Variants in THBS1 observed in about 807,000 individuals in gnomAD.
THBS1 encodes thrombospondin-1.
Under a neutral mutation model 126.1 loss-of-function variants are expected in THBS1, and 29 were observed. The observed-to-expected ratio is 0.23, with a 90% CI of 0.17 to 0.31. The LOEUF (loss-of-function observed/expected upper bound fraction) is 0.31, where lower values mean the gene tolerates loss of function less well. Among genes scored for constraint, THBS1 ranks in the 10% least tolerant of loss-of-function variants. THBS1 has a pLI of 1.00. For missense variants in THBS1, 1,198 were observed against 1,545.2 expected, an observed-to-expected ratio of 0.78 and a Z score of 3.77; for synonymous variants, 496 against 577.8, an observed-to-expected ratio of 0.86 and a Z score of 2.03.
intron 14 of THBS1, 152 bp downstream of exon 14, chr15:39,590,775 TAAGG>T: frequency 1.4e-6 from 1 of 696,618 alleles, no homozygotes; most frequent in Non-Finnish European, 2.4e-6. Flanking sequence ...TCCAGTAGTT[TAAGG>T]ATGTAGATGT....
At chr15:39,581,752 C>T in intron 1 of THBS1, 77 bp from the exon 2 acceptor site, 1 of 889,838 alleles carries the variant, frequency 1.1e-6, no homozygotes, top group Admixed American at 2.2e-5. Context: ...TGTCCCCATG[C>T]CCAGCCCCGT....
chr15:39,581,706 A>G, intron 1 of THBS1, 123 bp from the exon 2 acceptor site: 1 of 554,108 alleles, frequency 1.8e-6, no homozygotes, highest in South Asian at 2.5e-5. Flanking sequence ...CCTTCATTTC[A>G]GCAAACGCGG....
Position 39,593,830 on chromosome 15 carries a change from A to G in THBS1, c.3267+162A>G. ...GCTTTGTAAAAACATAATAGTGTTG[A>G]AAAGGGAGCTTGACCAAGAATTGCC... On this transcript the variant is annotated intron_variant, in intron 19 of 21. Coordinates refer to ENST00000260356, the MANE Select transcript of THBS1 (RefSeq NM_003246.4). The surrounding 1 kb of genome is among the most constrained non-coding windows in gnomAD (Gnocchi z 5.9). The G allele has an allele frequency of 8.4e-7, 1 of 1,183,944 alleles. No homozygotes were observed. Among genetic ancestry groups the G allele is most frequent in the Non-Finnish European group, 1.2e-6 (1 of 857,976 alleles). The allele number at this position is 1,183,944 out of a possible 1,614,324, so 73.3% of individuals were successfully genotyped here.
rs760003261 is a variant in THBS1, at chr15:39,582,158, AGAAAGCTCACTTTGT to A, written c.68-33_68-19del. On this transcript the variant is annotated intron_variant, in intron 2 of 21. Transcript: ENST00000260356. ...AGCCCCCTACTGCTGGTCCCAGCCT[AGAAAGCTCACTTTGT>A]GTTCTCTCCTGTCTAACAGAGTCTG... is the stretch of plus-strand genomic sequence containing the variant. 1.3e-6 allele frequency: 2 copies of A among 1,552,770 alleles called. No homozygotes were observed. The highest frequency in any genetic ancestry group is 2.7e-5 in the African/African-American group (2 of 73,220).
At position 39,589,766 on chromosome 15, in the gene THBS1, T is replaced by C. The variant is rs752759592; in HGVS notation, c.1927-39T>C. The C allele has an allele frequency of 6.5e-7, 1 of 1,538,364 alleles. No individual in the cohort carries two copies. Among genetic ancestry groups the C allele is most frequent in the South Asian group, 1.3e-5 (1 of 77,894 alleles). ...TTGTTTCCATGATATCTGAGGATTC[T>C]CAAAAGCTCTGTGTAACAGCAGCAT... On this transcript the variant is annotated intron_variant, in intron 12 of 21. Transcript: ENST00000260356. The surrounding 1 kb of genome is among the most constrained non-coding windows in gnomAD (Gnocchi z 4.7).
rs899785623 is a variant in THBS1 at position 39,592,168 on chromosome 15, G to A, written c.2533-400G>A. On this transcript the variant is annotated intron_variant, in intron 16 of 21. Coordinates refer to ENST00000260356, the MANE Select transcript of THBS1 (RefSeq NM_003246.4). This position sits in a 1 kb window ranked among gnomAD's most constrained non-coding sequence, Gnocchi z 4.3. ...CTTTTCAGGACTTTTCAGAGAAGTC[G>A]ACGTGTCAACAGTTTTACAACTGAA... 9.9e-5 allele frequency among the ~76,000 whole-genome samples: 15 copies of A among 152,142 alleles called. No individual in the cohort carries two copies. Among genetic ancestry groups the A allele is most frequent in the Non-Finnish European group, 1.8e-4 (12 of 68,026 alleles).
intron 8 of THBS1, 44 bp downstream of exon 8, chr15:39,587,564 C>T: frequency 1.3e-6 from 2 of 1,556,436 alleles, no homozygotes; most frequent in South Asian, 2.4e-5. Flanking sequence ...CTGACCTGTC[C>T]TTGTTGTCGT....
chr15:39,589,430 G>T lies in THBS1; in HGVS notation c.1926+76G>T. The T allele has an allele frequency of 6.4e-7, 1 of 1,551,458 alleles. No homozygotes were observed. ...CAAAATAACTGGGAGCGGGAGGAATGTAATTTCATACCCTTCACCAAAAAA... is the reference window on the plus strand; with the variant it reads ...CAAAATAACTGGGAGCGGGAGGAATTTAATTTCATACCCTTCACCAAAAAA... On this transcript the variant is annotated intron_variant, in intron 12 of 21. Coordinates refer to ENST00000260356, the MANE Select transcript of THBS1 (RefSeq NM_003246.4). The surrounding 1 kb of genome is among the most constrained non-coding windows in gnomAD (Gnocchi z 4.7).
chr15:39,585,369 C>A, intron 6 of THBS1, 101 bp from the exon 7 acceptor site: 1 of 1,021,888 alleles, frequency 9.8e-7, no homozygotes, highest in Non-Finnish European at 1.5e-6. Context: ...CATTGACAGC[C>A]CTGACCATGT....
chr15:39,582,711 A>G lies in THBS1; in HGVS notation c.586A>G (p.Arg196Gly). The change falls in exon 3 of 22, where the codon AGA (arginine) becomes GGA (glycine). Residue 196 changes from arginine (R) to glycine (G), a missense_variant. This residue lies in a region of THBS1 where 271 missense variants were observed against 277.0 expected (regional missense o/e 0.98). Coordinates refer to ENST00000260356, the MANE Select transcript of THBS1 (RefSeq NM_003246.4). ...VFTRDLASIA[R>G]LRIAKGGVND... is the part of the protein sequence containing the mutation. ...CACCAGAGACCTGGCCAGCATCGCC[A>G]GACTCCGCATCGCAAAGGGGGGCGT... 4 of 1,613,338 alleles carry G rather than the reference A, an allele frequency of 2.5e-6. No individual in the cohort carries two copies. Among genetic ancestry groups the G allele is most frequent in the Non-Finnish European group, 3.4e-6 (4 of 1,179,972 alleles).
At chr15:39,581,775 T>C in intron 1 of THBS1, 54 bp from the exon 2 acceptor site, 1 of 1,212,038 alleles carries the variant, frequency 8.3e-7, no homozygotes, top group South Asian at 1.3e-5. Flanking sequence ...CTGCGCACCG[T>C]CCCTCCCTGC....
intron 2 of THBS1, 127 bp downstream of exon 2, chr15:39,582,051 T>C: frequency 7.5e-7 from 1 of 1,329,512 alleles, no homozygotes; most frequent in Non-Finnish European, 1.1e-6. Flanking sequence ...GCAGCTTCAC[T>C]CTGATCCTGG....
At position 39,592,576 on chromosome 15, in the gene THBS1, T is replaced by A; in HGVS notation, c.2541T>A (p.Ser847=). The A allele has an allele frequency of 6.2e-7, 1 of 1,612,650 alleles. No homozygotes were observed. The highest frequency in any genetic ancestry group is 1.7e-5 in the Admixed American group (1 of 59,820). Residue 847 remains serine, a synonymous_variant, in exon 17 of 22, where the codon TCT becomes TCA. Coordinates refer to ENST00000260356, the MANE Select transcript of THBS1 (RefSeq NM_003246.4). This position sits in a 1 kb window ranked among gnomAD's most constrained non-coding sequence, Gnocchi z 4.3. ...PLEHNPDQLD[S]DSDRIGDTCD... The stretch of plus-strand genomic sequence containing the variant: ...TTACATCTCTCTTTCAGCTGGACTC[T>A]GACTCAGACCGCATTGGAGATACCT...
At position 39,593,262 on chromosome 15, in the gene THBS1, T is replaced by G; in HGVS notation, c.2995+35T>G. 1 of 1,611,314 alleles carries G rather than the reference T, an allele frequency of 6.2e-7. No homozygotes were observed. Among genetic ancestry groups the G allele is most frequent in the Non-Finnish European group, 8.5e-7 (1 of 1,177,460 alleles). On this transcript the variant is annotated intron_variant, in intron 18 of 21. Transcript: ENST00000260356. The surrounding 1 kb of genome is among the most constrained non-coding windows in gnomAD (Gnocchi z 5.9). ...GAGTTCTTAGATCCTAAGAGACTGA[T>G]GCATACATGGGGAAAAACAAATATA...
rs747242796 is a variant in THBS1 at position 39,582,541 on chromosome 15, A to G, written c.416A>G (p.His139Arg). 241 of 1,614,048 alleles carry G rather than the reference A, an allele frequency of 1.5e-4. 1 individual carries two copies. The highest frequency in any genetic ancestry group is 7.0e-4 in the Admixed American group (42 of 60,004). The change falls in exon 3 of 22, where the codon CAC becomes CGC. Residue 139 changes from histidine (H) to arginine (R), a missense_variant. This residue lies in a region of THBS1 where 271 missense variants were observed against 277.0 expected (regional missense o/e 0.98). Coordinates refer to ENST00000260356, the MANE Select transcript of THBS1 (RefSeq NM_003246.4). ...DLSLTVQGKQ[H>R]VVSVEEALLA... is the part of the protein sequence containing the mutation. ...AGCCTGACCGTCCAAGGAAAGCAGC[A>G]CGTGGTGTCTGTGGAAGAAGCTCTC...
Position 39,584,284 on chromosome 15 carries a change from A to G in THBS1, c.904-16A>G. ...GAAAATGCGGGGGGACACTAATGAT[A>G]TTCTCTCCCATTTAGACTGAAGAGA... On this transcript the variant is annotated splice_polypyrimidine_tract_variant and intron_variant, in intron 5 of 21. Coordinates refer to ENST00000260356, the MANE Select transcript of THBS1 (RefSeq NM_003246.4). The G allele has an allele frequency of 6.2e-7, 1 of 1,614,194 alleles. No homozygotes were observed. Among genetic ancestry groups the G allele is most frequent in the Non-Finnish European group, 8.5e-7 (1 of 1,180,038 alleles).
At chr15:39,591,746 A>C in intron 16 of THBS1, 123 bp downstream of exon 16, 24 of 867,256 alleles carry the variant, frequency 2.8e-5, no homozygotes, top group East Asian at 7.3e-5. Context: ...CTGGCTTCTC[A>C]TAGCCAACTG....
Position 39,594,512 on chromosome 15 carries a change from G to A in THBS1, c.3505+72G>A, listed in dbSNP as rs761397950. Reference sequence around the variant, plus strand: ...GACTAATATCAAGGATGACGGTTATGGGGGAGTCCAGTGTAAAGACTGTTT... The same window carrying A: ...GACTAATATCAAGGATGACGGTTATAGGGGAGTCCAGTGTAAAGACTGTTT... On this transcript the variant is annotated intron_variant, in intron 21 of 21. Transcript: ENST00000260356. The surrounding 1 kb of genome is among the most constrained non-coding windows in gnomAD (Gnocchi z 4.4). The A allele has an allele frequency of 2.6e-6, 4 of 1,566,904 alleles. No individual in the cohort carries two copies. The highest frequency in any genetic ancestry group is 8.6e-7 in the Non-Finnish European group (1 of 1,158,546).
At position 39,593,763 on chromosome 15, in the gene THBS1, C is replaced by T; in HGVS notation, c.3267+95C>T. The T allele has an allele frequency of 6.6e-7, 1 of 1,510,254 alleles. No homozygotes were observed. The highest frequency in any genetic ancestry group is 8.9e-7 in the Non-Finnish European group (1 of 1,124,310). The allele number at this position is 1,510,254 out of a possible 1,614,324, so 93.6% of individuals were successfully genotyped here. A position where few individuals can be genotyped will look rare whatever the true frequency, so the allele number is the denominator to read the frequency against. On this transcript the variant is annotated intron_variant, in intron 19 of 21. Transcript: ENST00000260356. The surrounding 1 kb of genome is among the most constrained non-coding windows in gnomAD (Gnocchi z 5.9). The stretch of plus-strand genomic sequence containing the variant: ...TTGACCAAGACTCTGACCAGGGAGT[C>T]TTAGAAAGTTCCCAGCATCACCAGC...
Sources: gnomAD v4.1 joint callset for allele counts (sites outside exome capture counted in the v4.1 genomes callset) on GRCh38, gnomAD v4.1.1 for gene constraint, gnomAD v4.1.1 regional missense constraint, Gnocchi (gnomAD v3.1) non-coding constraint, MANE v1.5 for transcripts, NCBI Gene and HGNC (gene_info 2026-07-23, HGNC 2026-07-21) for gene names.